Variants in DCC observed in about 807,000 individuals in gnomAD.
DCC encodes the protein DCC netrin 1 receptor, also known as netrin receptor DCC.
In DCC, 58 loss-of-function variants were observed where a neutral mutation model predicts 172.5. The observed-to-expected ratio is 0.34, with a 90% CI of 0.27 to 0.42. DCC has a LOEUF of 0.42. Ranked by LOEUF, DCC falls within the 10% of genes least tolerant of loss-of-function variation. The pLI is 1.00. For synonymous variants in DCC, 709 were observed against 644.5 expected, an observed-to-expected ratio of 1.10 and a Z score of -1.52; for missense variants, 1,740 against 1,791.0, an observed-to-expected ratio of 0.97 and a Z score of 0.51.
chr18:52,400,912 G>A (rs1316762350), intron 1 of DCC, among the ~76,000 whole-genome samples: 4 of 151,944 alleles, frequency 2.6e-5, no homozygotes, highest in Admixed American at 6.6e-5. Flanking sequence ...ATGGACATAG[G>A]GAGGGGAACA....
intron 1 of DCC, among the ~76,000 whole-genome samples, chr18:52,401,688 G>A (rs1046240337): frequency 2.6e-5 from 4 of 151,936 alleles, no homozygotes; most frequent in Admixed American, 2.0e-4. Flanking sequence ...GCTGTTCTAA[G>A]TCCTAGAGCA....
chr18:52,631,108 AG>A lies in DCC; in HGVS notation c.92-120942del, dbSNP rs1253619706. Among the ~76,000 whole-genome samples, 4 of 152,262 alleles carry A rather than the reference AG, an allele frequency of 2.6e-5. No homozygotes were observed. In the East Asian group the frequency reaches 7.7e-4, roughly 29 times the overall value. On this transcript the variant is annotated intron_variant, in intron 1 of 28. Transcript: ENST00000442544. ...ACTTTTCTACACAAGTTTTGGCCGG[AG>A]GGGAGCAAGTGAGCATTATACTTTT...
intron 19 of DCC, among the ~76,000 whole-genome samples, chr18:53,410,131 G>T (rs1234271684): frequency 6.6e-6 from 1 of 152,038 alleles, no homozygotes; most frequent in Non-Finnish European, 1.5e-5. Context: ...TGTTATCTCT[G>T]TTTTACATTT....
chr18:52,768,279 T>A (rs28403168), intron 2 of DCC, among the ~76,000 whole-genome samples: 16,461 of 152,196 alleles, frequency 0.11, 2,970 homozygotes, highest in African/African-American at 0.37. Flanking sequence ...AATTACGAGT[T>A]TATCCATTTC....
intron 5 of DCC, among the ~76,000 whole-genome samples, chr18:53,033,517 C>T (rs1456282308): frequency 6.6e-6 from 1 of 152,106 alleles, no homozygotes; most frequent in Non-Finnish European, 1.5e-5. Context: ...TCCATGTATT[C>T]TAAATATATC....
chr18:52,400,705 C>A (rs886342998), intron 1 of DCC, among the ~76,000 whole-genome samples: 1 of 152,056 alleles, frequency 6.6e-6, no homozygotes, highest in Non-Finnish European at 1.5e-5. Flanking sequence ...AAATGCCCAT[C>A]AGTGATAGAC....
chr18:53,060,279 C>A (rs1389658981), intron 5 of DCC, among the ~76,000 whole-genome samples: 2 of 152,034 alleles, frequency 1.3e-5, no homozygotes, highest in African/African-American at 4.8e-5. Context: ...AGGGATCTGC[C>A]CACCTCTGCT....
intron 1 of DCC, among the ~76,000 whole-genome samples, chr18:52,498,454 T>C (rs2030886910): frequency 6.6e-6 from 1 of 151,988 alleles, no homozygotes; most frequent in South Asian, 2.1e-4. Flanking sequence ...TGAATACCTG[T>C]CTCTACTAAA....
chr18:52,915,497 A>G (rs2040027388), intron 3 of DCC, among the ~76,000 whole-genome samples: 1 of 152,166 alleles, frequency 6.6e-6, no homozygotes, highest in Non-Finnish European at 1.5e-5. Flanking sequence ...AACCTTTTTT[A>G]AAACAATTCT....
chr18:52,484,419 G>A (rs1255663629), intron 1 of DCC, among the ~76,000 whole-genome samples: 1 of 152,068 alleles, frequency 6.6e-6, no homozygotes, highest in African/African-American at 2.4e-5. Context: ...TACTTCAGGA[G>A]GAACTCTATC....
At chr18:53,205,410 C>T (rs1189876474) in intron 10 of DCC, 46 bp downstream of exon 10, 1 of 1,590,694 alleles carries the variant, frequency 6.3e-7, no homozygotes, top group Non-Finnish European at 8.6e-7. Context: ...TTGGATGTTT[C>T]CATCCATTGG....
chr18:53,215,539 T>A lies in DCC; in HGVS notation c.1862-9T>A. The A allele has an allele frequency of 6.2e-7, 1 of 1,613,200 alleles. No homozygotes were observed. Among genetic ancestry groups the A allele is most frequent in the South Asian group, 1.1e-5 (1 of 91,064 alleles). On this transcript the variant is annotated splice_polypyrimidine_tract_variant and intron_variant, in intron 11 of 28. Coordinates refer to ENST00000442544, the MANE Select transcript of DCC (RefSeq NM_005215.4). ...CAGTAACTGTGACAATTTGTTTGAT[T>A]CCTTTTAGTGCCAAGTGCCCCGCCT...
At chr18:52,911,711 T>C (rs1392380721) in intron 3 of DCC, among the ~76,000 whole-genome samples, 6 of 139,826 alleles carry the variant, frequency 4.3e-5, no homozygotes, top group African/African-American at 1.3e-4. Context: ...TTACCTGATA[T>C]TTTTGTCTCA....
intron 2 of DCC, among the ~76,000 whole-genome samples, chr18:52,846,131 A>G (rs1405333668): frequency 6.6e-6 from 1 of 152,194 alleles, no homozygotes; most frequent in African/African-American, 2.4e-5. Context: ...ATTCCTCTAC[A>G]CTATGAACTC....
rs1355921329 is a variant in DCC, at chr18:52,610,177, AAATATATATATATATATATATATAT to A, written c.92-141875_92-141851del. On this transcript the variant is annotated intron_variant, in intron 1 of 28. Transcript: ENST00000442544. ...AAAAAAAAAAAAAAAAAAAAAAAAA[AAATATATATATATATATATATATAT>A]ATATATATATATATATATATATATA... Among the ~76,000 whole-genome samples the A allele has an allele frequency of 2.2e-3, 42 of 19,022 alleles. 2 individuals are homozygous for A. The highest frequency in any genetic ancestry group is 7.4e-3 in the African/African-American group (35 of 4,754). 12.5% of individuals were successfully genotyped at this position (19,022 alleles called of 152,430 possible).
At chr18:53,063,172 A>C (rs1189082432) in intron 5 of DCC, 133 bp from the exon 6 acceptor site, 2 of 914,944 alleles carry the variant, frequency 2.2e-6, no homozygotes, top group African/African-American at 3.3e-5. Flanking sequence ...TAATAAGCTA[A>C]GAGCTTAGGG....
At chr18:53,181,332 T>G (rs935460861) in intron 9 of DCC, among the ~76,000 whole-genome samples, 1 of 152,120 alleles carries the variant, frequency 6.6e-6, no homozygotes, top group African/African-American at 2.4e-5. Flanking sequence ...AATGAGCATT[T>G]TTTTTCCCCT....
At chr18:52,420,514 C>T (rs554563526) in intron 1 of DCC, among the ~76,000 whole-genome samples, 1 of 152,228 alleles carries the variant, frequency 6.6e-6, no homozygotes, top group African/African-American at 2.4e-5. Context: ...GATTTTGGGG[C>T]ACCTTCCTGG....
At chr18:52,966,763 T>A (rs1407394139) in intron 5 of DCC, among the ~76,000 whole-genome samples, 1 of 152,286 alleles carries the variant, frequency 6.6e-6, no homozygotes, top group East Asian at 1.9e-4. Context: ...CTATCAGTGG[T>A]CATGACTTTC....
Sources: gnomAD v4.1 joint callset for allele counts (sites outside exome capture counted in the v4.1 genomes callset) on GRCh38, gnomAD v4.1.1 for gene constraint, MANE v1.5 for transcripts, NCBI Gene and HGNC (gene_info 2026-07-23, HGNC 2026-07-21) for gene names.